Variants in RPS6KA5 observed in about 807,000 individuals in gnomAD.
RPS6KA5 encodes the protein ribosomal protein S6 kinase A5.
RPS6KA5 carries 27 observed loss-of-function variants against 85.5 expected under a neutral mutation model. The ratio of observed to expected loss-of-function variants is 0.32; its 90% CI spans 0.23 to 0.44. The LOEUF is 0.44. Among genes scored for constraint, RPS6KA5 ranks in the 20% least tolerant of loss-of-function variants. The pLI is 1.00. For synonymous variants in RPS6KA5, 334 were observed against 348.2 expected (o/e 0.96, Z 0.46); for missense variants, 811 against 980.9 (o/e 0.83, Z 2.31).
rs549613753 is a variant in RPS6KA5, at chr14:91,026,905, G to A, written c.104-25746C>T. Among the ~76,000 whole-genome samples the A allele has an allele frequency of 3.3e-5, 5 of 152,172 alleles. 1 individual carries two copies. In the South Asian group the frequency reaches 1.0e-3, roughly 32 times the overall value. On this transcript the variant is annotated intron_variant, in intron 1 of 16. Transcript: ENST00000614987. ...TGTTGAGCATTTTTTCATGTTTGTTGGCCACTTGCATGTCTTCCTTTGAGA... is the reference window on the plus strand; with the variant it reads ...TGTTGAGCATTTTTTCATGTTTGTTAGCCACTTGCATGTCTTCCTTTGAGA...
In RPS6KA5 at chr14:90,907,554, G is replaced by A. The variant is rs552590697; in HGVS notation, c.807-1255C>T. On this transcript the variant is annotated intron_variant, in intron 7 of 16. Transcript: ENST00000614987. ...AACCATATAGAAAATAGGCCTAGACGCTCTATCAAATAGCCACTGAGAATC... is the reference window on the plus strand; with the variant it reads ...AACCATATAGAAAATAGGCCTAGACACTCTATCAAATAGCCACTGAGAATC... Among the ~76,000 whole-genome samples the A allele has an allele frequency of 1.6e-4, 25 of 152,230 alleles. No individual in the cohort carries two copies. The South Asian group carries it at 1.7e-3, about 10-fold the overall frequency.
intron 11 of RPS6KA5, 152 bp from the exon 12 acceptor site, chr14:90,899,574 A>AT (rs1359100590): frequency 1.5e-5 from 8 of 544,870 alleles, no homozygotes; most frequent in Admixed American, 6.8e-5. Context: ...GTAATGAATT[A>AT]TACCACACAC....
chr14:90,911,458 C>T (rs1184865398), intron 7 of RPS6KA5: 2 of 152,190 alleles, frequency 1.3e-5, no homozygotes, highest in Admixed American at 6.5e-5. Context: ...CATTTCATGA[C>T]TTAACGTTCT....
intron 2 of RPS6KA5, among the ~76,000 whole-genome samples, chr14:90,997,566 A>G (rs1380134912): frequency 6.6e-6 from 1 of 152,186 alleles, no homozygotes; most frequent in Non-Finnish European, 1.5e-5. Context: ...TTTTGGCAAG[A>G]TGGGGAGTCT....
At chr14:91,047,273 A>T (rs890182352) in intron 1 of RPS6KA5, among the ~76,000 whole-genome samples, 3 of 152,156 alleles carry the variant, frequency 2.0e-5, no homozygotes, top group Non-Finnish European at 2.9e-5. Flanking sequence ...CCAGGATAAG[A>T]CTCAATATGC....
rs1263993687 is a variant in RPS6KA5, at chr14:90,865,995, TC to T, written c.*6078del. ...TCATCACAAACATTTCCCAGCTCTG[TC>T]CCAATCAAGTTCTTATTTCTCTGAA... On this transcript the variant is annotated 3_prime_UTR_variant, in exon 17 of 17. Coordinates refer to ENST00000614987, the MANE Select transcript of RPS6KA5 (RefSeq NM_004755.4). 1 of 152,230 alleles carries T rather than the reference TC, an allele frequency of 6.6e-6. No individual in the cohort carries two copies. The highest frequency in any genetic ancestry group is 1.5e-5 in the Non-Finnish European group (1 of 68,048). The allele number at this position is 152,230 out of a possible 1,614,324, so 9.4% of individuals were successfully genotyped here.
chr14:90,967,985 T>G (rs373166041), intron 3 of RPS6KA5, among the ~76,000 whole-genome samples: 6 of 152,212 alleles, frequency 3.9e-5, no homozygotes, highest in African/African-American at 1.2e-4. Flanking sequence ...ATATTGCTGC[T>G]ATAGGAAGTT....
intron 14 of RPS6KA5, among the ~76,000 whole-genome samples, chr14:90,881,682 G>A (rs1239680398): frequency 1.3e-5 from 2 of 151,902 alleles, no homozygotes; most frequent in Admixed American, 6.6e-5. Flanking sequence ...TGTATTTTTC[G>A]TAGAGATGGG....
chr14:90,987,700 C>CAACA (rs1555373106), intron 2 of RPS6KA5, among the ~76,000 whole-genome samples: 3,521 of 151,580 alleles, frequency 0.023, 137 homozygotes, highest in African/African-American at 0.08. Context: ...CAGCAGCAGC[C>CAACA]ACAACAACAA....
chr14:91,038,178 G>A (rs1280536636), intron 1 of RPS6KA5, among the ~76,000 whole-genome samples: 1 of 152,136 alleles, frequency 6.6e-6, no homozygotes, highest in East Asian at 1.9e-4. Context: ...AAGATTCTCA[G>A]GTCATCCACT....
chr14:90,899,573 T>G, intron 11 of RPS6KA5, 151 bp from the exon 12 acceptor site: 1 of 544,000 alleles, frequency 1.8e-6, no homozygotes, highest in Non-Finnish European at 3.2e-6. Context: ...AGTAATGAAT[T>G]ATACCACACA....
In RPS6KA5 at chr14:90,902,964, T is replaced by G; in HGVS notation, c.963A>C (p.Ile321=). ...TTTTGGCGGCTAAATCATCCCAATT[T>G]ATTTTCTAAAACAAAGAAAGTTGGT... ...EIKEHLFFQK[I]NWDDLAAKKV... Residue 321 remains isoleucine, a synonymous_variant, in exon 9 of 17, where the codon ATA becomes ATC. Transcript: ENST00000614987. 6.2e-7 allele frequency: 1 copy of G among 1,610,370 alleles called. No individual in the cohort carries two copies. Among genetic ancestry groups the G allele is most frequent in the Non-Finnish European group, 8.5e-7 (1 of 1,177,964 alleles).
At chr14:91,041,335 A>C (rs17722981) in intron 1 of RPS6KA5, among the ~76,000 whole-genome samples, 6,426 of 152,306 alleles carry the variant, frequency 0.042, 213 homozygotes, top group Middle Eastern at 0.068. Flanking sequence ...ACATCACAAA[A>C]CATAAGCTTC....
chr14:91,047,814 C>G (rs2042935038), intron 1 of RPS6KA5, among the ~76,000 whole-genome samples: 1 of 152,208 alleles, frequency 6.6e-6, no homozygotes, highest in Non-Finnish European at 1.5e-5. Context: ...TGTTCCCCTG[C>G]TTCTAGAGGC....
At position 91,046,863 on chromosome 14, in the gene RPS6KA5, A is replaced by G. The variant is rs571548983; in HGVS notation, c.103+13469T>C. ...AATATAAAAATAGCATGAACACCAT[A>G]TGACAAAGATTTTATTTAAGAAGCA... is the stretch of plus-strand genomic sequence containing the variant. On this transcript the variant is annotated intron_variant, in intron 1 of 16. Transcript: ENST00000614987. 2.6e-5 allele frequency among the ~76,000 whole-genome samples: 4 copies of G among 152,194 alleles called. No individual in the cohort carries two copies. The East Asian group carries it at 7.7e-4, about 29-fold the overall frequency.
chr14:91,051,387 T>C (rs2139946256), intron 1 of RPS6KA5, among the ~76,000 whole-genome samples: 1 of 152,222 alleles, frequency 6.6e-6, no homozygotes, highest in South Asian at 2.1e-4. Flanking sequence ...AAGACCAGCC[T>C]GGGCAACATA....
intron 7 of RPS6KA5, among the ~76,000 whole-genome samples, chr14:90,917,668 G>A (rs1343355373): frequency 2.6e-5 from 4 of 151,846 alleles, no homozygotes; most frequent in South Asian, 4.2e-4. Context: ...ATATTTTCTC[G>A]CTTCTTTCAC....
chr14:90,991,526 AC>A (rs2040305068), intron 2 of RPS6KA5, among the ~76,000 whole-genome samples: 1 of 151,970 alleles, frequency 6.6e-6, no homozygotes, highest in Admixed American at 6.5e-5. Flanking sequence ...ACATGGTGAA[AC>A]CCTGTCTCTA....
At position 90,873,614 on chromosome 14, in the gene RPS6KA5, C is replaced by G. The variant is rs766485099; in HGVS notation, c.2160+18G>C. The G allele has an allele frequency of 2.5e-6, 4 of 1,602,700 alleles. No homozygotes were observed. Among genetic ancestry groups the G allele is most frequent in the Non-Finnish European group, 3.4e-6 (4 of 1,173,018 alleles). On this transcript the variant is annotated intron_variant, in intron 16 of 16. Transcript: ENST00000614987. ...TCCTACTCAAACCGCCCAACATGTA[C>G]AGAGCACAGGGCCTTACGTGGAAGG...
Sources: allele counts gnomAD v4.1 joint callset (sites outside exome capture counted in the v4.1 genomes callset), GRCh38; gene constraint gnomAD v4.1.1; transcripts MANE v1.5; gene names NCBI Gene and HGNC (gene_info 2026-07-23, HGNC 2026-07-21).